The following RARB variants were observed in gnomAD, a reference collection of about 807,000 sequenced individuals.
RARB encodes the protein retinoic acid receptor beta.
In RARB, 17 loss-of-function variants were observed where a neutral mutation model predicts 51.9. That is an observed-to-expected ratio of 0.33 (90% CI 0.22 to 0.49). The LOEUF (loss-of-function observed/expected upper bound fraction) is 0.49, where lower values mean the gene tolerates loss of function less well. Ranked by LOEUF, RARB falls within the 20% of genes least tolerant of loss-of-function variation. The pLI is 0.99. For synonymous variants in RARB, 215 were observed against 195.4 expected, an observed-to-expected ratio of 1.10 and a Z score of -0.84; for missense variants, 369 against 550.8, an observed-to-expected ratio of 0.67 and a Z score of 3.30.
intron 5 of RARB, among the ~76,000 whole-genome samples, chr3:25,357,498 A>G (rs571371539): frequency 3.3e-4 from 50 of 152,320 alleles, no homozygotes; most frequent in African/African-American, 1.2e-3. Flanking sequence ...TTTGCTGTGC[A>G]GAAGCTCTTC....
intron 4 of RARB, among the ~76,000 whole-genome samples, chr3:25,152,270 CTT>C (rs1700299790): frequency 6.6e-6 from 1 of 151,678 alleles, no homozygotes; most frequent in Non-Finnish European, 1.5e-5. Context: ...ACTCACTTGT[CTT>C]TTTATTTTAG....
chr3:25,013,043 A>G (rs80205642), intron 2 of RARB, among the ~76,000 whole-genome samples: 1 of 152,142 alleles, frequency 6.6e-6, no homozygotes, highest in Non-Finnish European at 1.5e-5. Flanking sequence ...AGGAATCTCA[A>G]TGACTTGTTT....
At chr3:25,413,224 A>T (rs146240216) in intron 5 of RARB, among the ~76,000 whole-genome samples, 1 of 152,088 alleles carries the variant, frequency 6.6e-6, no homozygotes. Context: ...ATAGAATCAG[A>T]GTTGTACTTT....
At chr3:25,405,850 T>C (rs1184361438) in intron 5 of RARB, among the ~76,000 whole-genome samples, 2 of 152,094 alleles carry the variant, frequency 1.3e-5, no homozygotes, top group Non-Finnish European at 2.9e-5. Flanking sequence ...AGGGGTTTCA[T>C]GGCAGATGTG....
intron 4 of RARB, among the ~76,000 whole-genome samples, chr3:25,166,938 T>C (rs1239764761): frequency 1.3e-5 from 2 of 152,210 alleles, no homozygotes; most frequent in Non-Finnish European, 2.9e-5. Context: ...TATTTATTAT[T>C]TGTAGAAGAC....
At chr3:25,557,037 A>G (rs541126068) in intron 3 of RARB, among the ~76,000 whole-genome samples, 7 of 152,122 alleles carry the variant, frequency 4.6e-5, no homozygotes, top group African/African-American at 7.2e-5. Flanking sequence ...CCATTCTTGC[A>G]TAAGGCAGTT....
chr3:25,225,461 C>A (rs1335805388), intron 5 of RARB, among the ~76,000 whole-genome samples: 1 of 152,132 alleles, frequency 6.6e-6, no homozygotes. Flanking sequence ...ATCAGTAGGT[C>A]AGAATGACTT....
chr3:25,102,976 G>A (rs1699432682), intron 3 of RARB, among the ~76,000 whole-genome samples: 1 of 152,200 alleles, frequency 6.6e-6, no homozygotes, highest in African/African-American at 2.4e-5. Context: ...ATTGAACCCA[G>A]GAGGCAGAGG....
intron 2 of RARB, among the ~76,000 whole-genome samples, chr3:25,009,748 G>A (rs184158720): frequency 1.3e-5 from 2 of 152,176 alleles, no homozygotes; most frequent in East Asian, 3.9e-4. Context: ...TTTGGGATAA[G>A]CCTTCCAGAA....
At chr3:24,863,690 A>G (rs1321886999) in intron 2 of RARB, among the ~76,000 whole-genome samples, 1 of 151,842 alleles carries the variant, frequency 6.6e-6, no homozygotes, top group East Asian at 1.9e-4. Flanking sequence ...GAAATTTTCT[A>G]TGAAGCAACA....
intron 3 of RARB, among the ~76,000 whole-genome samples, chr3:25,524,545 G>T (rs569344198): frequency 6.6e-6 from 1 of 152,002 alleles, no homozygotes; most frequent in Non-Finnish European, 1.5e-5. Flanking sequence ...TCTCATAAAA[G>T]TTAAGGACTG....
At chr3:24,993,635 C>T (rs1050934380) in intron 2 of RARB, among the ~76,000 whole-genome samples, 13 of 152,058 alleles carry the variant, frequency 8.5e-5, no homozygotes, top group African/African-American at 3.1e-4. Context: ...AATTTTATAT[C>T]CTTGAACAAA....
intron 2 of RARB, among the ~76,000 whole-genome samples, chr3:24,910,309 T>C (rs753294164): frequency 1.3e-5 from 2 of 152,194 alleles, no homozygotes; most frequent in South Asian, 2.1e-4. Context: ...AAGTAAATTT[T>C]CTAGTTTTCC....
chr3:25,280,866 C>T (rs1703505190), intron 5 of RARB, among the ~76,000 whole-genome samples: 1 of 151,966 alleles, frequency 6.6e-6, no homozygotes. Context: ...GTCTTTTTGT[C>T]CTCTGCCCCA....
chr3:25,273,842 C>A (rs1485353919), intron 5 of RARB, among the ~76,000 whole-genome samples: 3 of 152,214 alleles, frequency 2.0e-5, no homozygotes, highest in African/African-American at 4.8e-5. Flanking sequence ...ATCAAGGCAT[C>A]CTGCTTTTAG....
At chr3:25,258,985 G>C (rs1379936300) in intron 5 of RARB, 17 of 974,002 alleles carry the variant, frequency 1.7e-5, no homozygotes, top group Non-Finnish European at 2.0e-5. Context: ...CCTGAGTTTT[G>C]CTGGGGACAA....
intron 2 of RARB, among the ~76,000 whole-genome samples, chr3:24,921,500 C>T (rs1379339243): frequency 2.0e-5 from 3 of 152,252 alleles, no homozygotes; most frequent in Admixed American, 1.3e-4. Context: ...GACCTTGCAC[C>T]AGCACAGCCC....
intron 2 of RARB, among the ~76,000 whole-genome samples, chr3:24,977,532 G>C (rs1054974719): frequency 1.3e-5 from 2 of 152,118 alleles, no homozygotes; most frequent in African/African-American, 4.8e-5. Context: ...ATTTGTGAAT[G>C]GGAGTTCACT....
At chr3:25,539,777 T>C (rs935491432) in intron 3 of RARB, among the ~76,000 whole-genome samples, 5 of 152,040 alleles carry the variant, frequency 3.3e-5, no homozygotes, top group African/African-American at 1.2e-4. Flanking sequence ...AATCTAAGAC[T>C]GCATTACTTA....
Sources: gnomAD v4.1 joint callset for allele counts (sites outside exome capture counted in the v4.1 genomes callset) on GRCh38, gnomAD v4.1.1 for gene constraint, MANE v1.5 for transcripts, NCBI Gene and HGNC (gene_info 2026-07-23, HGNC 2026-07-21) for gene names.